CDH11: variants seen among roughly 807,000 people sequenced by gnomAD.
CDH11 encodes cadherin-11.
A neutral mutation model predicts 67.8 loss-of-function variants in CDH11; 11 were observed. That is an observed-to-expected ratio of 0.16 (90% CI 0.10 to 0.27). The LOEUF (loss-of-function observed/expected upper bound fraction) is 0.27. CDH11 is among the 10% of genes least tolerant of loss of function. The pLI is 1.00. For synonymous variants in CDH11, 419 were observed against 400.0 expected (o/e 1.05, Z -0.57); for missense variants, 847 against 1,031.2 (o/e 0.82, Z 2.45).
chr16:65,005,870 A>G (rs1424823277), intron 2 of CDH11, among the ~76,000 whole-genome samples: 1 of 152,186 alleles, frequency 6.6e-6, no homozygotes, highest in Admixed American at 6.5e-5. Context: ...GCCCAAGGTC[A>G]TGTTCCCAGC....
At chr16:65,016,950 G>A (rs1390082771) in intron 2 of CDH11, among the ~76,000 whole-genome samples, 1 of 152,170 alleles carries the variant, frequency 6.6e-6, no homozygotes, top group Non-Finnish European at 1.5e-5. Flanking sequence ...GTAGCTTCCA[G>A]ATGTTCCCAT....
At chr16:64,979,521 T>A (rs77308178) in intron 8 of CDH11, among the ~76,000 whole-genome samples, 5,151 of 152,158 alleles carry the variant, frequency 0.034, 168 homozygotes, top group East Asian at 0.12. Context: ...AAAACTATAA[T>A]GATATATCAT....
chr16:64,979,502 A>T (rs924903009), intron 8 of CDH11, among the ~76,000 whole-genome samples: 1 of 152,138 alleles, frequency 6.6e-6, no homozygotes, highest in Admixed American at 6.5e-5. Flanking sequence ...CATTATGAAA[A>T]TACAAATCAA....
rs112853890 is a variant in CDH11 at position 65,096,898 on chromosome 16, A to G, written c.-298+24982T>C. ...TCCCTTGAATGACAGTTGTATTCTT[A>G]CCTGTATCCAAAAGTCAAATTTCAA... On this transcript the variant is annotated intron_variant, in intron 1 of 12. Coordinates refer to ENST00000268603, the MANE Select transcript of CDH11 (RefSeq NM_001797.4). Among the ~76,000 whole-genome samples, 1,119 of 152,288 alleles carry G rather than the reference A, an allele frequency of 7.3e-3. 21 individuals are homozygous for G. The highest frequency in any genetic ancestry group is 0.026 in the African/African-American group (1,080 of 41,560).
intron 11 of CDH11, among the ~76,000 whole-genome samples, chr16:64,964,750 A>T (rs2071764947): frequency 1.3e-5 from 2 of 151,750 alleles, no homozygotes; most frequent in Non-Finnish European, 2.9e-5. Context: ...GGGTTTCATC[A>T]TGTTAGCCAG....
Position 64,946,163 on chromosome 16 carries a change from C to G in CDH11, c.*1440G>C. On this transcript the variant is annotated 3_prime_UTR_variant, in exon 13 of 13. Transcript: ENST00000268603. ...CTAAACAAAGCTTTTTTAAATGAAT[C>G]GCCCATTCTCATTAAAACATAAAAT... The G allele has an allele frequency of 9.5e-7, 1 of 1,052,898 alleles. No homozygotes were observed. The highest frequency in any genetic ancestry group is 1.1e-6 in the Non-Finnish European group (1 of 871,530). 65.2% of individuals were successfully genotyped at this position (1,052,898 alleles called of 1,614,324 possible).
At chr16:65,090,853 A>G (rs1418097211) in intron 1 of CDH11, among the ~76,000 whole-genome samples, 2 of 152,224 alleles carry the variant, frequency 1.3e-5, no homozygotes, top group Non-Finnish European at 2.9e-5. Flanking sequence ...AACTAGAGGG[A>G]ACCGCTATTC....
chr16:65,009,893 T>C (rs182395045), intron 2 of CDH11, among the ~76,000 whole-genome samples: 65 of 152,326 alleles, frequency 4.3e-4, no homozygotes, highest in African/African-American at 1.5e-3. Flanking sequence ...TGAGAGCAGA[T>C]AGCCCGTCAG....
At chr16:65,063,645 T>G (rs1208896696) in intron 1 of CDH11, among the ~76,000 whole-genome samples, 2 of 152,172 alleles carry the variant, frequency 1.3e-5, no homozygotes, top group Non-Finnish European at 2.9e-5. Context: ...TATCTGCAAA[T>G]GTTCTACATA....
chr16:65,076,049 G>C (rs1169339869), intron 1 of CDH11, among the ~76,000 whole-genome samples: 1 of 152,136 alleles, frequency 6.6e-6, no homozygotes, highest in African/African-American at 2.4e-5. Flanking sequence ...CTGTGGGAGG[G>C]GCTGTGAGCT....
Position 64,971,918 on chromosome 16 carries a change from A to T in CDH11, c.1524+13T>A, listed in dbSNP as rs781179032. ...GCATTGTTCCTAGCCAAGAATAGGG[A>T]AAGCAGGATTACCTGGTTGGAAAGT... On this transcript the variant is annotated intron_variant, in intron 10 of 12. Transcript: ENST00000268603. The T allele has an allele frequency of 6.2e-7, 1 of 1,613,672 alleles. No homozygotes were observed. Among genetic ancestry groups the T allele is most frequent in the Non-Finnish European group, 8.5e-7 (1 of 1,179,674 alleles).
intron 5 of CDH11, among the ~76,000 whole-genome samples, chr16:64,992,393 T>G (rs753974915): frequency 2.0e-5 from 3 of 152,222 alleles, no homozygotes; most frequent in Non-Finnish European, 4.4e-5. Flanking sequence ...AAATATTAAT[T>G]TTTAAAAGAG....
intron 1 of CDH11, among the ~76,000 whole-genome samples, chr16:65,084,533 G>A (rs1260220931): frequency 6.6e-6 from 1 of 152,150 alleles, no homozygotes. Flanking sequence ...TTAAGCTATA[G>A]TGTTTCAGAA....
chr16:64,958,739 T>C (rs2071589959), intron 11 of CDH11, among the ~76,000 whole-genome samples: 1 of 152,190 alleles, frequency 6.6e-6, no homozygotes. Context: ...GTTGGTTAAT[T>C]AGTTGAATTC....
At chr16:65,052,491 G>T (rs550525632) in intron 2 of CDH11, among the ~76,000 whole-genome samples, 9 of 152,156 alleles carry the variant, frequency 5.9e-5, no homozygotes, top group Non-Finnish European at 1.2e-4. Flanking sequence ...GGAAATAATG[G>T]CTGTGCCTTA....
intron 2 of CDH11, among the ~76,000 whole-genome samples, chr16:65,007,333 AC>A (rs1326090052): frequency 1.3e-5 from 2 of 152,102 alleles, no homozygotes; most frequent in Non-Finnish European, 2.9e-5. Context: ...GGAATAGGGG[AC>A]TTGAAACTCT....
chr16:64,958,212 A>C (rs2071571365), intron 11 of CDH11, among the ~76,000 whole-genome samples: 1 of 152,184 alleles, frequency 6.6e-6, no homozygotes, highest in Non-Finnish European at 1.5e-5. Context: ...TGACAGAATA[A>C]ATGGCTGAAT....
intron 1 of CDH11, among the ~76,000 whole-genome samples, chr16:65,118,402 TTA>T (rs1210312184): frequency 2.1e-5 from 2 of 95,262 alleles, no homozygotes; most frequent in Non-Finnish European, 5.3e-5. Flanking sequence ...TTCTCCAACT[TTA>T]TTTTTCTTTT....
At chr16:65,102,274 G>T (rs1359802953) in intron 1 of CDH11, among the ~76,000 whole-genome samples, 1 of 152,176 alleles carries the variant, frequency 6.6e-6, no homozygotes, top group Non-Finnish European at 1.5e-5. Flanking sequence ...TTAGATTTCT[G>T]TGTAGCTATA....
Sources: allele counts gnomAD v4.1 joint callset (sites outside exome capture counted in the v4.1 genomes callset), GRCh38; gene constraint gnomAD v4.1.1; transcripts MANE v1.5; gene names NCBI Gene and HGNC (gene_info 2026-07-23, HGNC 2026-07-21).